Variants in SH3BP4 observed in about 807,000 individuals in gnomAD.
The protein encoded by SH3BP4 is SH3 domain-binding protein 4.
In SH3BP4, 33 loss-of-function variants were observed where a neutral mutation model predicts 65.5. The ratio of observed to expected loss-of-function variants is 0.50; its 90% confidence interval spans 0.38 to 0.67. SH3BP4 has a LOEUF of 0.67. SH3BP4 is among the 30% of genes least tolerant of loss of function. SH3BP4 has a pLI of 0.00. For synonymous variants in SH3BP4, 552 were observed against 545.5 expected (o/e 1.01, Z -0.17); for missense variants, 1,134 against 1,261.4 (o/e 0.90, Z 1.53).
chr2:235,049,715 GT>G (rs1695982743), intron 4 of SH3BP4, among the ~76,000 whole-genome samples: 1 of 152,176 alleles, frequency 6.6e-6, no homozygotes, highest in Non-Finnish European at 1.5e-5. Context: ...TATATAAATA[GT>G]TGATATGAAG....
intron 1 of SH3BP4, among the ~76,000 whole-genome samples, chr2:234,955,121 G>A (rs1692556775): frequency 6.6e-6 from 1 of 152,172 alleles, no homozygotes; most frequent in Non-Finnish European, 1.5e-5. Context: ...AGGCCCTGGA[G>A]GTGGGCATCA....
intron 1 of SH3BP4, among the ~76,000 whole-genome samples, chr2:234,955,003 C>T (rs980704514): frequency 1.3e-5 from 2 of 152,178 alleles, no homozygotes; most frequent in Non-Finnish European, 2.9e-5. Flanking sequence ...AACTGGCCAG[C>T]CATGTGGATT....
intron 2 of SH3BP4, among the ~76,000 whole-genome samples, chr2:235,017,356 G>C (rs1453727677): frequency 6.7e-6 from 1 of 149,230 alleles, no homozygotes; most frequent in Admixed American, 6.8e-5. Flanking sequence ...CTGAGCCAGA[G>C]AATTGCTTGA....
intron 1 of SH3BP4, among the ~76,000 whole-genome samples, chr2:234,961,935 A>T (rs2106241032): frequency 6.6e-6 from 1 of 151,992 alleles, no homozygotes; most frequent in South Asian, 2.1e-4. Flanking sequence ...AGGTCCCCAG[A>T]CCTGGGGTGG....
intron 1 of SH3BP4, among the ~76,000 whole-genome samples, chr2:234,992,979 G>A (rs74520310): frequency 0.016 from 2,420 of 150,928 alleles, 72 homozygotes; most frequent in African/African-American, 0.056. Context: ...AGATGGATGT[G>A]TTCCTGCCAT....
rs752418559 is a variant in SH3BP4 at position 235,042,165 on chromosome 2, G to A, written c.1396G>A (p.Val466Met). The change falls in exon 4 of 6, where the codon GTG (valine) becomes ATG (methionine). Residue 466 changes from valine to methionine, a missense_variant. Physicochemically the swap from Val to Met is conservative, Grantham distance 21 (BLOSUM62 1). Transcript: ENST00000392011. This position sits in a 1 kb window ranked among gnomAD's most constrained non-coding sequence, Gnocchi z 7.3. ...CCCAAGCATCCTCTACCCTTCCACC[G>A]TGTGGGACTTCATCAATAAAAAAGT... ...HGPSILYPST[V>M]WDFINKKVTV... 1.8e-5 allele frequency: 29 copies of A among 1,614,030 alleles called. No individual in the cohort carries two copies. Among genetic ancestry groups the A allele is most frequent in the Non-Finnish European group, 2.4e-5 (28 of 1,180,018 alleles).
At position 235,019,809 on chromosome 2, in the gene SH3BP4, C is replaced by T. The variant is rs118067758; in HGVS notation, c.-132-15062C>T. Among the ~76,000 whole-genome samples the T allele has an allele frequency of 7.7e-4, 114 of 148,732 alleles. 2 individuals are homozygous for T. In the East Asian group the frequency reaches 0.02, roughly 27 times the overall value. ...TCTCAATCTAGAAGGTGGTCCATTC[C>T]ATTCCTCCTTTTCCAGATGAGAGAT... On this transcript the variant is annotated intron_variant, in intron 2 of 5. Coordinates refer to ENST00000392011, the MANE Select transcript of SH3BP4 (RefSeq NM_014521.3).
chr2:235,039,995 G>A (rs1297635998), intron 3 of SH3BP4, among the ~76,000 whole-genome samples: 1 of 152,220 alleles, frequency 6.6e-6, no homozygotes, highest in African/African-American at 2.4e-5. Context: ...ATCATTTTGG[G>A]AGGCTGAGGC....
rs745717333 is a variant in SH3BP4, at chr2:234,997,185, C to T, written c.-133+1809C>T. Reference sequence around the variant, plus strand: ...CGTGGGTCCCCACAGCAGTTAGAGACCATCCACAGGCCACCACACTTTAAG... The same window carrying T: ...CGTGGGTCCCCACAGCAGTTAGAGATCATCCACAGGCCACCACACTTTAAG... On this transcript the variant is annotated intron_variant, in intron 2 of 5. Transcript: ENST00000392011. The surrounding 1 kb of genome is among the most constrained non-coding windows in gnomAD (Gnocchi z 4.2). Among the ~76,000 whole-genome samples the T allele has an allele frequency of 6.6e-6, 1 of 152,184 alleles. No homozygotes were observed.
At chr2:235,038,372 T>TATAC (rs1559254585) in intron 3 of SH3BP4, among the ~76,000 whole-genome samples, 1 of 46,662 alleles carries the variant, frequency 2.1e-5, no homozygotes, top group Non-Finnish European at 3.4e-5. Flanking sequence ...ATATAATATA[T>TATAC]ATACATATAT....
intron 4 of SH3BP4, among the ~76,000 whole-genome samples, chr2:235,044,498 T>C (rs145038220): frequency 0.019 from 2,875 of 152,334 alleles, 98 homozygotes; most frequent in African/African-American, 0.065. Context: ...AGTCCACCCC[T>C]ATCCTCCGGA....
At chr2:235,010,009 C>T (rs1175934535) in intron 2 of SH3BP4, among the ~76,000 whole-genome samples, 1 of 152,086 alleles carries the variant, frequency 6.6e-6, no homozygotes, top group Non-Finnish European at 1.5e-5. Flanking sequence ...AGTGCTGGAG[C>T]TTCCTGGAGG....
chr2:234,971,430 C>T (rs901947094), intron 1 of SH3BP4, among the ~76,000 whole-genome samples: 1 of 152,320 alleles, frequency 6.6e-6, no homozygotes, highest in East Asian at 1.9e-4. Flanking sequence ...GTGGCTATTG[C>T]GAATAATGCT....
Position 235,042,878 on chromosome 2 carries a change from C to T in SH3BP4, c.2109C>T (p.Tyr703=), listed in dbSNP as rs1240799845. Residue 703 remains tyrosine (Y), a synonymous_variant, in exon 4 of 6, where the codon TAC becomes TAT. Transcript: ENST00000392011. This position sits in a 1 kb window ranked among gnomAD's most constrained non-coding sequence, Gnocchi z 7.3. ...LRGQLWTKEW[Y]IGYYQGRVGL... Reference sequence around the variant, plus strand: ...GCCAGCTGTGGACCAAGGAGTGGTACATCGGCTACTACCAGGGCAGGGTGG... The same window carrying T: ...GCCAGCTGTGGACCAAGGAGTGGTATATCGGCTACTACCAGGGCAGGGTGG... The T allele has an allele frequency of 3.1e-6, 5 of 1,613,654 alleles. No individual in the cohort carries two copies. The East Asian group carries it at 8.9e-5, about 29-fold the overall frequency.
intron 2 of SH3BP4, among the ~76,000 whole-genome samples, chr2:235,023,353 C>T (rs1337963815): frequency 1.3e-5 from 2 of 152,110 alleles, no homozygotes; most frequent in South Asian, 4.2e-4. Flanking sequence ...TCAAGACCAG[C>T]CTGGCCAACA....
At chr2:235,018,805 G>A (rs545505757) in intron 2 of SH3BP4, among the ~76,000 whole-genome samples, 2 of 152,144 alleles carry the variant, frequency 1.3e-5, no homozygotes, top group African/African-American at 4.8e-5. Flanking sequence ...GTTTGTTCAC[G>A]GAGCTTACCT....
chr2:235,022,670 T>C (rs1694880047), intron 2 of SH3BP4, among the ~76,000 whole-genome samples: 1 of 152,164 alleles, frequency 6.6e-6, no homozygotes, highest in Non-Finnish European at 1.5e-5. Context: ...ACCTGCTAGT[T>C]AGGGGTGAGA....
rs1695485593 is a variant in SH3BP4 at position 235,038,327 on chromosome 2, ATATTATATATAGTATATATATTTTATAT to A, written c.119-2560_119-2533del. ...TATATATATATTATATATTATATAT[ATATTATATATAGTATATATATTTTATAT>A]ATATATATATAATATATATACATAT... On this transcript the variant is annotated intron_variant, in intron 3 of 5. Coordinates refer to ENST00000392011, the MANE Select transcript of SH3BP4 (RefSeq NM_014521.3). Among the ~76,000 whole-genome samples the A allele has an allele frequency of 2.0e-4, 3 of 15,112 alleles. 1 individual carries two copies. In the South Asian group the frequency reaches 7.9e-3, roughly 40 times the overall value. The allele number at this position is 15,112 out of a possible 152,430, so 9.9% of individuals were successfully genotyped here.
chr2:234,971,841 G>A (rs183352554), intron 1 of SH3BP4, among the ~76,000 whole-genome samples: 325 of 151,078 alleles, frequency 2.2e-3, no homozygotes, highest in African/African-American at 7.4e-3. Context: ...TTTTTGAGAC[G>A]GAGTCTTGCT....
Sources: allele counts gnomAD v4.1 joint callset (sites outside exome capture counted in the v4.1 genomes callset), GRCh38; gene constraint gnomAD v4.1.1; non-coding constraint Gnocchi (gnomAD v3.1); transcripts MANE v1.5; gene names NCBI Gene and HGNC (gene_info 2026-07-23, HGNC 2026-07-21).